GFRA1: variants seen among roughly 807,000 people sequenced by gnomAD.
The protein encoded by GFRA1 is GDNF family receptor alpha 1.
In GFRA1, 16 loss-of-function variants were observed where a neutral mutation model predicts 51.6. The ratio of observed to expected loss-of-function variants is 0.31; its 90% CI spans 0.21 to 0.47. The LOEUF is 0.47. Among genes scored for constraint, GFRA1 ranks in the 20% least tolerant of loss-of-function variants. GFRA1 has a pLI of 1.00. For missense variants in GFRA1, 530 were observed against 594.3 expected (o/e 0.89, Z 1.13); for synonymous variants, 270 against 241.3 (o/e 1.12, Z -1.10).
At chr10:116,241,029 TG>T (rs1200304554) in intron 4 of GFRA1, among the ~76,000 whole-genome samples, 1 of 152,130 alleles carries the variant, frequency 6.6e-6, no homozygotes, top group Non-Finnish European at 1.5e-5. Flanking sequence ...TCTCAACCAA[TG>T]TACTAAAGTG....
chr10:116,177,805 A>G (rs1345318023), intron 5 of GFRA1, among the ~76,000 whole-genome samples: 4 of 152,186 alleles, frequency 2.6e-5, no homozygotes, highest in Admixed American at 2.0e-4. Context: ...AAGTGTATGC[A>G]CTTGCACACT....
At chr10:116,172,214 C>G (rs1961096662) in intron 5 of GFRA1, among the ~76,000 whole-genome samples, 2 of 152,134 alleles carry the variant, frequency 1.3e-5, no homozygotes, top group African/African-American at 2.4e-5. Context: ...AATTCCTAAT[C>G]CCTCTGCTGT....
At position 116,061,724 on chromosome 10, in the gene GFRA1, G is replaced by C. The variant is rs1038155335; in HGVS notation, c.*2674C>G. On this transcript the variant is annotated 3_prime_UTR_variant, in exon 11 of 11. Transcript: ENST00000355422. ...TCTTCAGTGGCACCCCAAATGCCCG[G>C]ACTGAAGGACAGGAAGTAGCGAATC... 58 of 326,024 alleles carry C rather than the reference G, an allele frequency of 1.8e-4. No individual in the cohort carries two copies. 20.2% of individuals were successfully genotyped at this position (326,024 alleles called of 1,614,324 possible).
At chr10:116,259,322 TC>T (rs1235595805) in intron 4 of GFRA1, among the ~76,000 whole-genome samples, 58 of 35,728 alleles carry the variant, frequency 1.6e-3, no homozygotes, top group African/African-American at 4.9e-3. Flanking sequence ...AACTATGTAT[TC>T]CTTTTTTTTT....
chr10:116,065,068 C>T (rs1338834248), intron 10 of GFRA1, among the ~76,000 whole-genome samples: 1 of 152,150 alleles, frequency 6.6e-6, no homozygotes, highest in Non-Finnish European at 1.5e-5. Context: ...TAGAGTCCTC[C>T]ATCCCTGTCA....
intron 6 of GFRA1, among the ~76,000 whole-genome samples, chr10:116,124,527 G>A (rs1046307547): frequency 2.2e-4 from 34 of 152,122 alleles, no homozygotes; most frequent in African/African-American, 6.0e-4. Context: ...CACCACACCC[G>A]GCCAGTTTTT....
intron 4 of GFRA1, among the ~76,000 whole-genome samples, chr10:116,220,726 T>A (rs1195901662): frequency 6.6e-6 from 1 of 152,192 alleles, no homozygotes; most frequent in Non-Finnish European, 1.5e-5. Context: ...TTTTAGGAGG[T>A]ACAGGTTCTG....
chr10:116,249,879 G>A (rs570255370), intron 4 of GFRA1, among the ~76,000 whole-genome samples: 1 of 152,312 alleles, frequency 6.6e-6, no homozygotes, highest in South Asian at 2.1e-4. Flanking sequence ...CAAAATAGCT[G>A]AGGATAGTGG....
At chr10:116,158,786 C>T (rs187787831) in intron 5 of GFRA1, among the ~76,000 whole-genome samples, 2 of 152,302 alleles carry the variant, frequency 1.3e-5, no homozygotes, top group Non-Finnish European at 2.9e-5. Context: ...GAGCCCAGTA[C>T]CAGAGGGGGT....
chr10:116,155,759 C>G (rs535021638), intron 5 of GFRA1, among the ~76,000 whole-genome samples: 4 of 152,168 alleles, frequency 2.6e-5, no homozygotes, highest in Admixed American at 2.6e-4. Context: ...CAGCCCCTCT[C>G]TGTGCCACCA....
chr10:116,196,424 G>T (rs1052544926), intron 5 of GFRA1, among the ~76,000 whole-genome samples: 1 of 149,078 alleles, frequency 6.7e-6, no homozygotes, highest in Non-Finnish European at 1.5e-5. Flanking sequence ...GAGAGGTGGA[G>T]GTTGCAGTGA....
At chr10:116,164,285 T>G (rs1000643754) in intron 5 of GFRA1, among the ~76,000 whole-genome samples, 7 of 151,138 alleles carry the variant, frequency 4.6e-5, no homozygotes, top group Non-Finnish European at 8.8e-5. Context: ...TCACCGGGCT[T>G]AAAAATTAGC....
intron 6 of GFRA1, among the ~76,000 whole-genome samples, chr10:116,098,651 C>T (rs1282854264): frequency 3.3e-5 from 5 of 152,312 alleles, no homozygotes; most frequent in South Asian, 2.1e-4. Flanking sequence ...CCGGCCTGTC[C>T]CCCAGAGACA....
At chr10:116,087,437 T>C (rs1047459152) in intron 9 of GFRA1, among the ~76,000 whole-genome samples, 5 of 152,172 alleles carry the variant, frequency 3.3e-5, no homozygotes, top group African/African-American at 1.2e-4. Context: ...TCTTGCCCAG[T>C]ATTCTAGGTT....
In GFRA1 at chr10:116,058,704, G is replaced by T; in HGVS notation, c.*5694C>A. ...CCCTAAGCTGCTGTCAGAGGGCCCTGTGTTCTCAAGTTCAGCTCCAAATGC... is the reference window on the plus strand; with the variant it reads ...CCCTAAGCTGCTGTCAGAGGGCCCTTTGTTCTCAAGTTCAGCTCCAAATGC... On this transcript the variant is annotated 3_prime_UTR_variant, in exon 11 of 11. Transcript: ENST00000355422. 6.6e-6 allele frequency: 1 copy of T among 152,368 alleles called. No individual in the cohort carries two copies. The highest frequency in any genetic ancestry group is 1.5e-5 in the Non-Finnish European group (1 of 68,082). 9.4% of individuals were successfully genotyped at this position (152,368 alleles called of 1,614,324 possible). A position where few individuals can be genotyped will look rare whatever the true frequency, so the allele number is the denominator to read the frequency against.
intron 5 of GFRA1, among the ~76,000 whole-genome samples, chr10:116,145,511 A>G (rs1289918233): frequency 1.3e-5 from 2 of 152,158 alleles, no homozygotes; most frequent in African/African-American, 4.8e-5. Flanking sequence ...TCATTACACT[A>G]TTTTCACTGG....
chr10:116,107,494 G>A (rs772552374), intron 6 of GFRA1, among the ~76,000 whole-genome samples: 13 of 152,282 alleles, frequency 8.5e-5, no homozygotes, highest in South Asian at 2.1e-4. Context: ...CCACCATTAA[G>A]ACCAAAGAGA....
At chr10:116,153,030 G>T (rs1421401878) in intron 5 of GFRA1, among the ~76,000 whole-genome samples, 2 of 152,094 alleles carry the variant, frequency 1.3e-5, no homozygotes. Context: ...ATCCATCCAT[G>T]CATCCATCTA....
chr10:116,165,620 G>C (rs7904057), intron 5 of GFRA1, among the ~76,000 whole-genome samples: 82,781 of 150,972 alleles, frequency 0.55, 22,828 homozygotes, highest in Middle Eastern at 0.63. Flanking sequence ...CTGCCTTGGT[G>C]TCTCTGTCTC....
Sources: allele counts gnomAD v4.1 joint callset (sites outside exome capture counted in the v4.1 genomes callset), GRCh38; gene constraint gnomAD v4.1.1; transcripts MANE v1.5; gene names NCBI Gene and HGNC (gene_info 2026-07-23, HGNC 2026-07-21).